The following ALG12 variants were observed in gnomAD, a reference collection of about 807,000 sequenced individuals.
ALG12 encodes ALG12 alpha-1,6-mannosyltransferase.
In ALG12, 36 loss-of-function variants were observed where a neutral mutation model predicts 46.0. That is an observed-to-expected ratio of 0.78 (90% CI 0.60 to 1.03). The LOEUF (loss-of-function observed/expected upper bound fraction) is 1.03. ALG12 is among the 50% of genes least tolerant of loss of function. The pLI, the probability that ALG12 is intolerant of heterozygous loss-of-function variation, is 0.00. For missense variants in ALG12, 599 were observed against 633.5 expected (o/e 0.95, Z 0.58); for synonymous variants, 326 against 291.6 (o/e 1.12, Z -1.20).
At chr22:49,912,277 G>A (rs971596668) in intron 3 of ALG12, among the ~76,000 whole-genome samples, 7 of 152,218 alleles carry the variant, frequency 4.6e-5, no homozygotes, top group African/African-American at 1.2e-4. Flanking sequence ...CACAGGGTGG[G>A]CTCCCGTTCA....
chr22:49,868,263 TA>T, the ALG12 span, among the ~76,000 whole-genome samples: 1 of 152,204 alleles, frequency 6.6e-6, no homozygotes, highest in Non-Finnish European at 1.5e-5. Flanking sequence ...AAAAATAAAA[TA>T]TAGGCAGTGT....
rs1287798128 is a variant in ALG12 at position 49,901,709 on chromosome 22, ATG to A, written c.*2127_*2128del. 6 of 125,392 alleles carry A rather than the reference ATG, an allele frequency of 4.8e-5. No individual in the cohort carries two copies. The highest frequency in any genetic ancestry group is 1.9e-4 in the African/African-American group (5 of 26,344). 7.8% of individuals were successfully genotyped at this position (125,392 alleles called of 1,614,324 possible). On this transcript the variant is annotated 3_prime_UTR_variant, in exon 10 of 10. Transcript: ENST00000330817. Reference sequence around the variant, plus strand: ...GCATCTGTGCATTGTGTGTGGATGCATGTGTGGTGTGTATGCATGGTGTGCAC... The same window carrying A: ...GCATCTGTGCATTGTGTGTGGATGCATGTGGTGTGTATGCATGGTGTGCAC...
Position 49,905,296 on chromosome 22 carries a change from C to G in ALG12, c.993-790G>C, listed in dbSNP as rs1424906960. ...CCAACCCTGGTCTAAACGCCCTGAA[C>G]CCCCGATCAAGACTCACTCTCTTCC... On this transcript the variant is annotated intron_variant, in intron 7 of 9. Transcript: ENST00000330817. The surrounding 1 kb of genome is among the most constrained non-coding windows in gnomAD (Gnocchi z 4.9). 1.1e-4 allele frequency among the ~76,000 whole-genome samples: 17 copies of G among 152,188 alleles called. No homozygotes were observed. Among genetic ancestry groups the G allele is most frequent in the Non-Finnish European group, 2.5e-4 (17 of 68,038 alleles).
At chr22:49,913,944 C>G (rs2060596286) in intron 1 of ALG12, 101 bp from the exon 2 acceptor site, 5 of 707,010 alleles carry the variant, frequency 7.1e-6, no homozygotes, top group Middle Eastern at 3.9e-4. Flanking sequence ...GAACTACTGT[C>G]TTAGTCGCAC....
the ALG12 span, among the ~76,000 whole-genome samples, chr22:49,871,140 C>G: frequency 2.2e-4 from 2 of 9,048 alleles, no homozygotes; most frequent in Non-Finnish European, 4.1e-4. Flanking sequence ...GGGGTTTCAC[C>G]CTGTTGGCCA....
chr22:49,872,845 G>A, the ALG12 span, among the ~76,000 whole-genome samples: 2 of 151,848 alleles, frequency 1.3e-5, no homozygotes, highest in East Asian at 1.9e-4. Context: ...AGCTGGGACC[G>A]CAGGCACCTG....
At chr22:49,871,762 T>TTA in the ALG12 span, among the ~76,000 whole-genome samples, 5,484 of 149,260 alleles carry the variant, frequency 0.037, 137 homozygotes, top group Non-Finnish European at 0.051. Context: ...TATTTATTTT[T>TTA]TTTTTTTTTT....
chr22:49,892,056 T>G, the ALG12 span, among the ~76,000 whole-genome samples: 1 of 151,836 alleles, frequency 6.6e-6, no homozygotes, highest in Admixed American at 6.6e-5. Flanking sequence ...GGTGTGGTGG[T>G]GGGCGTCTGT....
the ALG12 span, among the ~76,000 whole-genome samples, chr22:49,882,289 C>T: frequency 3.3e-5 from 5 of 152,234 alleles, no homozygotes; most frequent in Middle Eastern, 3.4e-3. Flanking sequence ...CATTGGCTCG[C>T]GCATATAACT....
At chr22:49,872,859 G>T in the ALG12 span, among the ~76,000 whole-genome samples, 1 of 152,018 alleles carries the variant, frequency 6.6e-6, no homozygotes, top group African/African-American at 2.4e-5. Flanking sequence ...GCACCTGCCG[G>T]CTAATTTTTT....
At chr22:49,872,704 AT>A in the ALG12 span, among the ~76,000 whole-genome samples, 1,900 of 144,024 alleles carry the variant, frequency 0.013, 71 homozygotes, top group Admixed American at 0.078. Flanking sequence ...TAATTTTTAA[AT>A]TTTTTTTTTT....
At position 49,909,964 on chromosome 22, in the gene ALG12, G is replaced by A; in HGVS notation, c.594C>T (p.Ala198=). The change falls in exon 5 of 10, where the codon GCC becomes GCT. Residue 198 remains alanine (A), a synonymous_variant. Transcript: ENST00000330817. The stretch of plus-strand genomic sequence containing the variant: ...CTACAGAAACCTTTCGGTTGCCCAA[G>A]GCCAGCAGCAGCAGGAGGCCCAGGA... ...CLFLGLLLLL[A]LGNRKVSVVR... is the part of the protein sequence containing the mutation. The A allele has an allele frequency of 6.2e-7, 1 of 1,614,086 alleles. No homozygotes were observed. The highest frequency in any genetic ancestry group is 8.5e-7 in the Non-Finnish European group (1 of 1,179,994).
chr22:49,887,484 C>T, the ALG12 span: 3 of 263,328 alleles, frequency 1.1e-5, no homozygotes, highest in African/African-American at 2.2e-5. Flanking sequence ...ATTTGTTTTA[C>T]TAGAATGACA....
At chr22:49,912,692 T>A (rs1228130964) in intron 3 of ALG12, among the ~76,000 whole-genome samples, 2 of 152,158 alleles carry the variant, frequency 1.3e-5, no homozygotes, top group Non-Finnish European at 2.9e-5. Flanking sequence ...AAAGTGGTGA[T>A]TGCTGACTTC....
downstream of ALG12, among the ~76,000 whole-genome samples, chr22:49,895,985 C>A (rs909586472): frequency 1.4e-4 from 21 of 152,198 alleles, 1 homozygote. Context: ...AGCCCCTCTG[C>A]TCAGCACTGT....
At position 49,905,183 on chromosome 22, in the gene ALG12, A is replaced by T. The variant is rs1245422321; in HGVS notation, c.993-677T>A. 6.6e-6 allele frequency among the ~76,000 whole-genome samples: 1 copy of T among 152,148 alleles called. No homozygotes were observed. Among genetic ancestry groups the T allele is most frequent in the Admixed American group, 6.6e-5 (1 of 15,264 alleles). ...CACAATCGACTATGCCAATCTCAGG[A>T]TCCTACGGCAGAGTTAGCAGCTGCC... On this transcript the variant is annotated intron_variant, in intron 7 of 9. Coordinates refer to ENST00000330817, the MANE Select transcript of ALG12 (RefSeq NM_024105.4). This position sits in a 1 kb window ranked among gnomAD's most constrained non-coding sequence, Gnocchi z 4.9.
rs2060538588 is a variant in ALG12 at position 49,905,707 on chromosome 22, CG to C, written c.993-1202del. 6.6e-6 allele frequency among the ~76,000 whole-genome samples: 1 copy of C among 152,218 alleles called. No homozygotes were observed. Among genetic ancestry groups the C allele is most frequent in the Non-Finnish European group, 1.5e-5 (1 of 68,034 alleles). ...AGTACCACGCTTCCCGTACAGCCTG[CG>C]GAACCGCGAGCCAATGAAGCCTCCT... is the stretch of plus-strand genomic sequence containing the variant. On this transcript the variant is annotated intron_variant, in intron 7 of 9. Transcript: ENST00000330817. This position sits in a 1 kb window ranked among gnomAD's most constrained non-coding sequence, Gnocchi z 4.9.
In ALG12 at chr22:49,908,743, A is replaced by G. The variant is rs574590037; in HGVS notation, c.768+501T>C. On this transcript the variant is annotated intron_variant, in intron 6 of 9. Coordinates refer to ENST00000330817, the MANE Select transcript of ALG12 (RefSeq NM_024105.4). ...AAGGCAGGTGGATCACCTGAGTTCA[A>G]GAGTTCAAGATCAGCCTGACCAACA... Among the ~76,000 whole-genome samples the G allele has an allele frequency of 1.2e-4, 17 of 146,470 alleles. 1 individual carries two copies. Among genetic ancestry groups the G allele is most frequent in the African/African-American group, 4.2e-4 (16 of 37,914 alleles).
At chr22:49,879,608 T>C in the ALG12 span, among the ~76,000 whole-genome samples, 6 of 143,530 alleles carry the variant, frequency 4.2e-5, no homozygotes, top group Non-Finnish European at 9.2e-5. Flanking sequence ...CGTGTTTCTA[T>C]TGGTTGGTTT....
Sources: gnomAD v4.1 joint callset for allele counts (sites outside exome capture counted in the v4.1 genomes callset) on GRCh38, gnomAD v4.1.1 for gene constraint, Gnocchi (gnomAD v3.1) non-coding constraint, MANE v1.5 for transcripts, NCBI Gene and HGNC (gene_info 2026-07-23, HGNC 2026-07-21) for gene names.